Variants in SHISA9 observed in about 807,000 individuals in gnomAD.
SHISA9 encodes the protein shisa family member 9.
SHISA9 carries 13 observed loss-of-function variants against 38.0 expected under a neutral mutation model. The ratio of observed to expected loss-of-function variants is 0.34; its 90% CI spans 0.22 to 0.54. The LOEUF (loss-of-function observed/expected upper bound fraction) is 0.54, where lower values mean the gene tolerates loss of function less well. SHISA9 is among the 20% of genes least tolerant of loss of function. The pLI is 0.91. For missense variants in SHISA9, 538 were observed against 575.8 expected, an observed-to-expected ratio of 0.93 and a Z score of 0.67; for synonymous variants, 275 against 242.0, an observed-to-expected ratio of 1.14 and a Z score of -1.27.
intron 2 of SHISA9, among the ~76,000 whole-genome samples, chr16:13,091,916 G>A (rs938836234): frequency 4.6e-5 from 7 of 152,194 alleles, no homozygotes; most frequent in Middle Eastern, 3.2e-3. Flanking sequence ...TTTCTGCTCT[G>A]GTTTCTCCCC....
At chr16:12,903,833 G>T (rs528254799) in intron 1 of SHISA9, among the ~76,000 whole-genome samples, 1 of 152,202 alleles carries the variant, frequency 6.6e-6, no homozygotes, top group Non-Finnish European at 1.5e-5. Flanking sequence ...CACGCGCTCC[G>T]TGTGATGCCT....
chr16:13,073,881 G>C (rs1260593494), intron 2 of SHISA9, among the ~76,000 whole-genome samples: 3 of 151,894 alleles, frequency 2.0e-5, no homozygotes, highest in African/African-American at 7.3e-5. Flanking sequence ...AGCGCGTCCA[G>C]AAGAAACCAA....
At chr16:13,123,286 G>A (rs775207397) in intron 2 of SHISA9, among the ~76,000 whole-genome samples, 1 of 152,222 alleles carries the variant, frequency 6.6e-6, no homozygotes. Flanking sequence ...GGCAGGAAGA[G>A]ACTTTGTTAT....
chr16:13,302,128 T>A, the SHISA9 span, among the ~76,000 whole-genome samples: 1 of 152,088 alleles, frequency 6.6e-6, no homozygotes, highest in Non-Finnish European at 1.5e-5. Flanking sequence ...AGGACATAGA[T>A]CCTTGTTTCT....
chr16:12,928,316 GTGTGTGTGTGTGTGTA>G (rs1196769030), intron 2 of SHISA9, among the ~76,000 whole-genome samples: 2 of 135,882 alleles, frequency 1.5e-5, no homozygotes, highest in Non-Finnish European at 3.3e-5. Flanking sequence ...GAGGTTGGTT[GTGTGTGTGTGTGTGTA>G]TGTGTGTGTG....
chr16:13,370,093 T>C, the SHISA9 span, among the ~76,000 whole-genome samples: 2 of 152,112 alleles, frequency 1.3e-5, no homozygotes, highest in South Asian at 4.1e-4. Flanking sequence ...ATACATAGAG[T>C]TCACTAGCTG....
At chr16:12,918,998 CTTGT>C (rs1348722593) in intron 2 of SHISA9, among the ~76,000 whole-genome samples, 1 of 152,004 alleles carries the variant, frequency 6.6e-6, no homozygotes, top group Non-Finnish European at 1.5e-5. Flanking sequence ...AACAGATTTC[CTTGT>C]TTATCTTTTT....
intron 2 of SHISA9, among the ~76,000 whole-genome samples, chr16:12,947,987 G>A (rs2071708787): frequency 6.6e-6 from 1 of 152,142 alleles, no homozygotes; most frequent in South Asian, 2.1e-4. Flanking sequence ...GAAAGCATAG[G>A]GTTGGATAAA....
chr16:13,201,911 C>T lies in SHISA9; in HGVS notation c.692-1483C>T, dbSNP rs187870676. 2.6e-3 allele frequency among the ~76,000 whole-genome samples: 281 copies of T among 107,806 alleles called. 65 individuals carry two copies. The highest frequency in any genetic ancestry group is 0.011 in the African/African-American group (266 of 25,152). 70.7% of individuals were successfully genotyped at this position (107,806 alleles called of 152,430 possible). On this transcript the variant is annotated intron_variant, in intron 2 of 4. Coordinates refer to ENST00000558583, the MANE Select transcript of SHISA9 (RefSeq NM_001145204.3). ...AGCAGCTGGGAAATGGGTTCACATA[C>T]TAGATAAAGGGGATCTTTCAAGGCA...
the SHISA9 span, among the ~76,000 whole-genome samples, chr16:13,409,844 A>T: frequency 1.3e-5 from 2 of 152,228 alleles, no homozygotes; most frequent in Non-Finnish European, 2.9e-5. Context: ...GAACATGTAA[A>T]CACCTTGCTA....
chr16:13,503,639 C>G, the SHISA9 span, among the ~76,000 whole-genome samples: 1 of 151,032 alleles, frequency 6.6e-6, no homozygotes, highest in East Asian at 1.9e-4. Flanking sequence ...CTACATTGTA[C>G]TGATCGAAAT....
chr16:12,910,863 T>C, intron 1 of SHISA9: 1 of 444,592 alleles, frequency 2.2e-6, no homozygotes, highest in Non-Finnish European at 3.0e-6. Context: ...AATTCTCTCT[T>C]TTTGGGGCAA....
chr16:13,431,443 A>G, the SHISA9 span, among the ~76,000 whole-genome samples: 39 of 152,368 alleles, frequency 2.6e-4, no homozygotes, highest in African/African-American at 8.7e-4. Flanking sequence ...TTTCTTGCTT[A>G]TATTTTTCAA....
At chr16:13,540,193 C>CCA in the SHISA9 span, among the ~76,000 whole-genome samples, 13,783 of 149,668 alleles carry the variant, frequency 0.092, 813 homozygotes, top group Admixed American at 0.18. Context: ...GCATACATGC[C>CCA]CACACACACA....
At chr16:13,346,927 C>G in the SHISA9 span, among the ~76,000 whole-genome samples, 1 of 152,140 alleles carries the variant, frequency 6.6e-6, no homozygotes, top group African/African-American at 2.4e-5. Flanking sequence ...AAATCCCAAC[C>G]TGTTTCCTAC....
chr16:13,453,096 G>A, the SHISA9 span, among the ~76,000 whole-genome samples: 1 of 151,936 alleles, frequency 6.6e-6, no homozygotes, highest in Non-Finnish European at 1.5e-5. Context: ...TTGTATGTTT[G>A]TCAGGCTGGT....
the SHISA9 span, among the ~76,000 whole-genome samples, chr16:13,559,185 C>T: frequency 1.3e-5 from 2 of 152,024 alleles, no homozygotes; most frequent in South Asian, 2.1e-4. Flanking sequence ...GACACAGTAT[C>T]GAGTTTATTT....
intron 2 of SHISA9, among the ~76,000 whole-genome samples, chr16:12,947,633 C>T (rs1320078962): frequency 1.3e-5 from 2 of 152,280 alleles, no homozygotes; most frequent in Non-Finnish European, 1.5e-5. Flanking sequence ...CTCTTGAAAT[C>T]CACGGGCTAT....
chr16:13,457,214 G>A, the SHISA9 span, among the ~76,000 whole-genome samples: 1 of 152,346 alleles, frequency 6.6e-6, no homozygotes, highest in East Asian at 1.9e-4. Flanking sequence ...GCTGAGGCAG[G>A]AAAGTCGTTT....
Sources: allele counts gnomAD v4.1 joint callset (sites outside exome capture counted in the v4.1 genomes callset), GRCh38; gene constraint gnomAD v4.1.1; transcripts MANE v1.5; gene names NCBI Gene and HGNC (gene_info 2026-07-23, HGNC 2026-07-21).